RRAS2: variants seen among roughly 807,000 people sequenced by gnomAD.
RRAS2 encodes the protein RAS related 2.
A neutral mutation model predicts 27.6 loss-of-function variants in RRAS2; 7 were observed. That is an observed-to-expected ratio of 0.25 (90% confidence interval 0.14 to 0.48). The LOEUF (loss-of-function observed/expected upper bound fraction) is 0.48, where lower values mean the gene tolerates loss of function less well. Ranked by LOEUF, RRAS2 falls within the 20% of genes least tolerant of loss-of-function variation. RRAS2 has a pLI of 0.99. For synonymous variants in RRAS2, 86 were observed against 90.9 expected (o/e 0.95, Z 0.31); for missense variants, 178 against 256.2 (o/e 0.69, Z 2.08).
At chr11:14,318,775 A>G (rs1466261054) in intron 1 of RRAS2, among the ~76,000 whole-genome samples, 8 of 152,222 alleles carry the variant, frequency 5.3e-5, no homozygotes, top group Admixed American at 5.2e-4. Flanking sequence ...ACATTCTTTC[A>G]GTCCCCACTT....
chr11:14,318,511 C>G (rs1207482330), intron 1 of RRAS2, among the ~76,000 whole-genome samples: 2 of 150,844 alleles, frequency 1.3e-5, no homozygotes, highest in African/African-American at 4.9e-5. Flanking sequence ...TCAAAACAAA[C>G]AAACAAACAA....
intron 1 of RRAS2, among the ~76,000 whole-genome samples, chr11:14,302,064 C>CCACA (rs1391326999): frequency 3.3e-4 from 17 of 51,840 alleles, no homozygotes; most frequent in Non-Finnish European, 4.8e-4. Context: ...AGTAAATGTA[C>CCACA]CACACACATA....
At chr11:14,350,588 G>A (rs1428547582) in intron 1 of RRAS2, among the ~76,000 whole-genome samples, 2 of 152,038 alleles carry the variant, frequency 1.3e-5, no homozygotes, top group Admixed American at 6.5e-5. Context: ...CCAGCCTCAG[G>A]TATTCCTTTA....
chr11:14,293,424 T>G (rs1847466894), intron 4 of RRAS2, among the ~76,000 whole-genome samples: 2 of 151,918 alleles, frequency 1.3e-5, no homozygotes, highest in Non-Finnish European at 2.9e-5. Context: ...ACAAAAGACC[T>G]TTAAAAAAAG....
intron 1 of RRAS2, among the ~76,000 whole-genome samples, chr11:14,350,470 G>T (rs1268232490): frequency 6.6e-6 from 1 of 152,008 alleles, no homozygotes; most frequent in Non-Finnish European, 1.5e-5. Flanking sequence ...CTTCTGTCAT[G>T]AATGGAAGCT....
chr11:14,342,966 C>T (rs1848748084), intron 1 of RRAS2, among the ~76,000 whole-genome samples: 1 of 152,072 alleles, frequency 6.6e-6, no homozygotes, highest in Non-Finnish European at 1.5e-5. Flanking sequence ...TTACTAGATC[C>T]ATTTTAAGTA....
intron 1 of RRAS2, among the ~76,000 whole-genome samples, chr11:14,301,525 G>C (rs573246436): frequency 1.3e-5 from 2 of 151,714 alleles, no homozygotes; most frequent in African/African-American, 4.8e-5. Flanking sequence ...TTCCCCGACC[G>C]AACTAGAAAG....
intron 4 of RRAS2, among the ~76,000 whole-genome samples, chr11:14,291,036 T>G (rs187718634): frequency 6.6e-6 from 1 of 152,230 alleles, no homozygotes; most frequent in Admixed American, 6.5e-5. Flanking sequence ...GGTGGAGAAG[T>G]TGATCATAGA....
Position 14,295,784 on chromosome 11 carries a change from T to C in RRAS2, c.180A>G (p.Arg60=). Reference sequence around the variant, plus strand: ...TTTACTTACTATCTAGCCGGGCTGCTCTGTCATCTATCACACACTGCTTTG... The same window carrying C: ...TTTACTTACTATCTAGCCGGGCTGCCCTGTCATCTATCACACACTGCTTTG... ...SYTKQCVIDD[R]AARLDILDTA... The change falls in exon 2 of 6, where the codon AGA becomes AGG. Residue 60 remains arginine, a synonymous_variant. Transcript: ENST00000256196. The C allele has an allele frequency of 6.2e-7, 1 of 1,611,854 alleles. No homozygotes were observed. The highest frequency in any genetic ancestry group is 8.5e-7 in the Non-Finnish European group (1 of 1,178,726).
chr11:14,330,745 A>G (rs1213005757), intron 1 of RRAS2, among the ~76,000 whole-genome samples: 1 of 152,262 alleles, frequency 6.6e-6, no homozygotes, highest in Non-Finnish European at 1.5e-5. Flanking sequence ...ATATGTTGAG[A>G]AATTTAATTA....
chr11:14,336,638 A>G (rs1554952589), intron 1 of RRAS2, among the ~76,000 whole-genome samples: 1 of 152,226 alleles, frequency 6.6e-6, no homozygotes, highest in African/African-American at 2.4e-5. Flanking sequence ...AAGGGACAGA[A>G]GAATCAACAA....
intron 1 of RRAS2, among the ~76,000 whole-genome samples, chr11:14,348,878 C>T (rs1429852763): frequency 6.6e-6 from 1 of 152,286 alleles, no homozygotes; most frequent in Admixed American, 6.5e-5. Context: ...GCTTCCTGGC[C>T]ATCTTAGCAG....
chr11:14,279,367 G>T lies in RRAS2; in HGVS notation c.585C>A (p.Asp195Glu), dbSNP rs569248551. 29 of 1,612,640 alleles carry T rather than the reference G, an allele frequency of 1.8e-5. No individual in the cohort carries two copies. Among genetic ancestry groups the T allele is most frequent in the Non-Finnish European group, 2.1e-5 (25 of 1,178,782 alleles). Residue 195 changes from aspartate to glutamate, a missense_variant, in exon 6 of 6, where the codon GAC becomes GAA. Physicochemically the swap from Asp to Glu is conservative, Grantham distance 45. Transcript: ENST00000256196. ...AAATGACACAATGGCAGCCTTTCTT[G>T]TCTTTTTCTTTCCGTGTTGGTTCTG... ...PSPEPTRKEK[D>E]KKGCHCVIF is the part of the protein sequence containing the mutation.
At chr11:14,307,859 A>T (rs1847870563) in intron 1 of RRAS2, among the ~76,000 whole-genome samples, 1 of 152,040 alleles carries the variant, frequency 6.6e-6, no homozygotes, top group African/African-American at 2.4e-5. Flanking sequence ...ATTTTTTTTT[A>T]AATACACAAA....
At chr11:14,326,737 A>G (rs1483726651) in intron 1 of RRAS2, among the ~76,000 whole-genome samples, 1 of 152,196 alleles carries the variant, frequency 6.6e-6, no homozygotes, top group Non-Finnish European at 1.5e-5. Context: ...TATAACATCA[A>G]AAAGAAAGTA....
At chr11:14,295,148 C>A (rs1231050084) in intron 2 of RRAS2, among the ~76,000 whole-genome samples, 1 of 152,136 alleles carries the variant, frequency 6.6e-6, no homozygotes, top group Non-Finnish European at 1.5e-5. Flanking sequence ...CAGATGGAGT[C>A]AGGTGACCTC....
intron 1 of RRAS2, among the ~76,000 whole-genome samples, chr11:14,304,563 G>A (rs1427244152): frequency 6.6e-6 from 1 of 152,146 alleles, no homozygotes; most frequent in Non-Finnish European, 1.5e-5. Flanking sequence ...TATGTCCCAG[G>A]ACATATAAAA....
At chr11:14,323,234 C>T (rs1848265979) in intron 1 of RRAS2, among the ~76,000 whole-genome samples, 2 of 152,042 alleles carry the variant, frequency 1.3e-5, no homozygotes, top group South Asian at 4.1e-4. Context: ...ATCACTTAAG[C>T]CCAGGAGTTT....
At chr11:14,315,126 T>G (rs1848068280) in intron 1 of RRAS2, among the ~76,000 whole-genome samples, 1 of 152,206 alleles carries the variant, frequency 6.6e-6, no homozygotes, top group South Asian at 2.1e-4. Context: ...GCATCCTCAT[T>G]CCGTAAGTGT....
Sources: gnomAD v4.1 joint callset for allele counts (sites outside exome capture counted in the v4.1 genomes callset) on GRCh38, gnomAD v4.1.1 for gene constraint, MANE v1.5 for transcripts, NCBI Gene and HGNC (gene_info 2026-07-23, HGNC 2026-07-21) for gene names.